CASKIN2: variants seen among roughly 807,000 people sequenced by gnomAD.
The protein encoded by CASKIN2 is CASK interacting protein 2.
In CASKIN2, 41 loss-of-function variants were observed where a neutral mutation model predicts 107.1. The ratio of observed to expected loss-of-function variants is 0.38; its 90% confidence interval spans 0.30 to 0.50. The LOEUF is 0.50. Among genes scored for constraint, CASKIN2 ranks in the 20% least tolerant of loss-of-function variants. The pLI, the probability that CASKIN2 is intolerant of heterozygous loss-of-function variation, is 0.92. For missense variants in CASKIN2, 1,546 were observed against 1,657.4 expected (o/e 0.93, Z 1.17); for synonymous variants, 724 against 705.6 (o/e 1.03, Z -0.41).
In CASKIN2 at chr17:75,506,856, C is replaced by T; in HGVS notation, c.429G>A (p.Leu143=). 1 of 1,612,680 alleles carries T rather than the reference C, an allele frequency of 6.2e-7. No homozygotes were observed. Among genetic ancestry groups the T allele is most frequent in the Non-Finnish European group, 8.5e-7 (1 of 1,179,618 alleles). The change falls in exon 6 of 20, where the codon CTG becomes CTA. Residue 143 remains leucine, a synonymous_variant. Transcript: ENST00000321617. This position sits in a 1 kb window ranked among gnomAD's most constrained non-coding sequence, Gnocchi z 4.8. The part of the protein sequence containing the change: ...MLLQHQSNPC[L]VNKAKKTPLD... ...GGGGCGTCTTCTTGGCCTTGTTGACCAGGCATGGGTTGGACTGATGCTGGA... is the reference window on the plus strand; with the variant it reads ...GGGGCGTCTTCTTGGCCTTGTTGACTAGGCATGGGTTGGACTGATGCTGGA...
chr17:75,501,922 G>A lies in CASKIN2; in HGVS notation c.3152C>T (p.Thr1051Ile), dbSNP rs2053195702. The change falls in exon 18 of 20, where the codon ACC becomes ATC. Residue 1051 changes from threonine to isoleucine, a missense_variant. Around this residue, in one of 6 missense-constraint regions of CASKIN2, gnomAD observed 1,311 missense variants for 1,311.0 expected, o/e 1.00. Coordinates refer to ENST00000321617, the MANE Select transcript of CASKIN2 (RefSeq NM_020753.5). ...CATGGCGGGGCTGGGAGCAAGGGGG[G>A]TTGGAACTCCTTGGGCTGGAAGGCT... ...PSSLPAQGVPTPLAPSPAMQP... is the reference protein window; with the variant it reads ...PSSLPAQGVPIPLAPSPAMQP... 2 of 1,587,696 alleles carry A rather than the reference G, an allele frequency of 1.3e-6. No individual in the cohort carries two copies. Among genetic ancestry groups the A allele is most frequent in the African/African-American group, 1.3e-5 (1 of 74,620 alleles).
At position 75,501,584 on chromosome 17, in the gene CASKIN2, C is replaced by A; in HGVS notation, c.3402G>T (p.Glu1134Asp). The change falls in exon 19 of 20, where the codon GAG (glutamate) becomes GAT (aspartate). Residue 1134 changes from glutamate to aspartate, a missense_variant. Coordinates refer to ENST00000321617, the MANE Select transcript of CASKIN2 (RefSeq NM_020753.5). ...GPRPVPPPRP[E>D]STGTVGPGQA... ...GGCCTGGGCCCACAGTCCCAGTGCT[C>A]TCAGGCCGTGGAGGAGGCACTGGGC... is the stretch of plus-strand genomic sequence containing the variant. 6.2e-7 allele frequency: 1 copy of A among 1,609,682 alleles called. No homozygotes were observed. The highest frequency in any genetic ancestry group is 1.7e-5 in the Admixed American group (1 of 59,950).
rs2053335644 is a variant in CASKIN2 at position 75,513,955 on chromosome 17, C to T, written c.-151G>A. 2 of 647,744 alleles carry T rather than the reference C, an allele frequency of 3.1e-6. No individual in the cohort carries two copies. Among genetic ancestry groups the T allele is most frequent in the Non-Finnish European group, 2.7e-6 (1 of 364,462 alleles). The allele number at this position is 647,744 out of a possible 1,614,324, so 40.1% of individuals were successfully genotyped here. A position where few individuals can be genotyped will look rare whatever the true frequency, so the allele number is the denominator to read the frequency against. ...CAGGTGTCCCAGGCAGTGGGCTCCT[C>T]GTCAGGTACTGAGGGATACTCCCAA... On this transcript the variant is annotated 5_prime_UTR_variant, in exon 2 of 20. Coordinates refer to ENST00000321617, the MANE Select transcript of CASKIN2 (RefSeq NM_020753.5).
chr17:75,512,805 CAGA>C (rs2053325267), intron 2 of CASKIN2, among the ~76,000 whole-genome samples: 1 of 151,038 alleles, frequency 6.6e-6, no homozygotes, highest in African/African-American at 2.4e-5. Context: ...GAGGCTGAGG[CAGA>C]AGAATAGCTT....
At position 75,503,713 on chromosome 17, in the gene CASKIN2, G is replaced by A. The variant is rs9913424; in HGVS notation, c.1626C>T (p.Ile542=). The change falls in exon 16 of 20, where the codon ATC becomes ATT. Residue 542 remains isoleucine, a synonymous_variant. Transcript: ENST00000321617. ...GVTKPGHRKK[I]ASEIAQLSIA... ...TGCTGAGCTGAGCGATCTCTGAGGC[G>A]ATCTTCTTCCTGTGCCCAGGCTTGG... 3,619 of 1,612,506 alleles carry A rather than the reference G, an allele frequency of 2.2e-3. 58 individuals carry two copies. In the African/African-American group the frequency reaches 0.042, roughly 19 times the overall value.
Position 75,502,611 on chromosome 17 carries a change from G to C in CASKIN2, c.2463C>G (p.Ser821Arg). ...AEGEAEGPVG[S>R]TLGSYATLTR... ...TAAGGGTAGCATAACTGCCTAGGGT[G>C]CTGCCCACTGGCCCTTCGGCCTCCC... The change falls in exon 18 of 20, where the codon AGC (serine) becomes AGG (arginine). Residue 821 changes from serine to arginine, a missense_variant. Around this residue, in one of 6 missense-constraint regions of CASKIN2, gnomAD observed 1,311 missense variants for 1,311.0 expected, o/e 1.00. Coordinates refer to ENST00000321617, the MANE Select transcript of CASKIN2 (RefSeq NM_020753.5). This position sits in a 1 kb window ranked among gnomAD's most constrained non-coding sequence, Gnocchi z 4.3. The C allele has an allele frequency of 6.2e-7, 1 of 1,603,850 alleles. No homozygotes were observed. The highest frequency in any genetic ancestry group is 1.1e-5 in the South Asian group (1 of 89,654).
chr17:75,515,027 G>A (rs919454126), intron 1 of CASKIN2, among the ~76,000 whole-genome samples: 2 of 152,200 alleles, frequency 1.3e-5, no homozygotes, highest in Non-Finnish European at 2.9e-5. Flanking sequence ...GGCCCTGGCC[G>A]GGAACCCCTC....
rs1013900129 is a variant in CASKIN2 at position 75,500,510 on chromosome 17, A to T, written c.*570T>A. 1 of 154,124 alleles carries T rather than the reference A, an allele frequency of 6.5e-6. No individual in the cohort carries two copies. The highest frequency in any genetic ancestry group is 1.4e-5 in the Non-Finnish European group (1 of 69,252). 9.5% of individuals were successfully genotyped at this position (154,124 alleles called of 1,614,324 possible). A position where few individuals can be genotyped will look rare whatever the true frequency, so the allele number is the denominator to read the frequency against. On this transcript the variant is annotated 3_prime_UTR_variant, in exon 20 of 20. Coordinates refer to ENST00000321617, the MANE Select transcript of CASKIN2 (RefSeq NM_020753.5). ...CAATTGAAAAGTTAGGACTTGTGGG[A>T]TCTGTTAACCCCACTGCCTCCCACC...
At chr17:75,512,038 C>T (rs2053320040) in intron 2 of CASKIN2, among the ~76,000 whole-genome samples, 1 of 152,210 alleles carries the variant, frequency 6.6e-6, no homozygotes. Context: ...CACCCTGTGT[C>T]CACTTCCCTA....
At chr17:75,510,211 C>A (rs181197389) in intron 2 of CASKIN2, among the ~76,000 whole-genome samples, 13 of 152,144 alleles carry the variant, frequency 8.5e-5, no homozygotes, top group South Asian at 2.1e-4. Flanking sequence ...GGGAGTGGTG[C>A]GGCGAGGGGC....
rs11657489 is a variant in CASKIN2 at position 75,502,604 on chromosome 17, C to T, written c.2470G>A (p.Gly824Ser). The change falls in exon 18 of 20, where the codon GGC becomes AGC. Residue 824 changes from glycine to serine, a missense_variant. Gly to Ser is a moderately conservative substitution (Grantham distance 56, BLOSUM62 0). This residue lies in a region of CASKIN2 where 1,311 missense variants were observed against 1,311.0 expected (regional missense o/e 1.00). Coordinates refer to ENST00000321617, the MANE Select transcript of CASKIN2 (RefSeq NM_020753.5). This position sits in a 1 kb window ranked among gnomAD's most constrained non-coding sequence, Gnocchi z 4.3. Reference protein sequence around the residue: ...EAEGPVGSTLGSYATLTRRPG... With the variant: ...EAEGPVGSTLSSYATLTRRPG... ...CGCCGGGTAAGGGTAGCATAACTGC[C>T]TAGGGTGCTGCCCACTGGCCCTTCG... 1 of 1,602,756 alleles carries T rather than the reference C, an allele frequency of 6.2e-7. No individual in the cohort carries two copies. The highest frequency in any genetic ancestry group is 8.5e-7 in the Non-Finnish European group (1 of 1,174,408).
chr17:75,514,400 TG>T (rs577923890), intron 1 of CASKIN2, among the ~76,000 whole-genome samples, 192 bp from the exon 2 acceptor site: 1 of 130,608 alleles, frequency 7.7e-6, no homozygotes, highest in East Asian at 2.3e-4. Context: ...GGAGTATTGG[TG>T]GGGGGGAGGT....
rs201521912 is a variant in CASKIN2, at chr17:75,504,434, G to C, written c.1361C>G (p.Pro454Arg). The change falls in exon 13 of 20, where the codon CCG becomes CGG. Residue 454 changes from proline (P) to arginine (R), a missense_variant. This residue lies in a region of CASKIN2 where 1,311 missense variants were observed against 1,311.0 expected (regional missense o/e 1.00). Coordinates refer to ENST00000321617, the MANE Select transcript of CASKIN2 (RefSeq NM_020753.5). ...ACCCTTCCTACCTGCCAGGGACGGC[G>C]GGTGGAGTCCTGGCAGCACCTGGTC... is the stretch of plus-strand genomic sequence containing the variant. ...GEDQVLPGLH[P>R]PSLADNLSHR... 1 of 1,607,264 alleles carries C rather than the reference G, an allele frequency of 6.2e-7. No individual in the cohort carries two copies. Among genetic ancestry groups the C allele is most frequent in the South Asian group, 1.1e-5 (1 of 90,844 alleles).
intron 2 of CASKIN2, among the ~76,000 whole-genome samples, chr17:75,513,435 G>C (rs1052394298): frequency 6.6e-6 from 1 of 152,152 alleles, no homozygotes; most frequent in Admixed American, 6.5e-5. Context: ...ACAAGCTATA[G>C]GCACTCAATA....
Position 75,503,041 on chromosome 17 carries a change from G to A in CASKIN2, c.2033C>T (p.Ala678Val), listed in dbSNP as rs766391635. The part of the protein sequence containing the change: ...QGSELSPELQ[A>V]AMAGGGPEPL... ...TTCAGGGCCACCCCCTGCCATGGCC[G>A]CCTGTAGCTCTGGGCTTAGTTCGCT... The change falls in exon 18 of 20, where the codon GCG becomes GTG. Residue 678 changes from alanine (A) to valine (V), a missense_variant. This residue lies in a region of CASKIN2 where 1,311 missense variants were observed against 1,311.0 expected (regional missense o/e 1.00). Transcript: ENST00000321617. 53 of 1,606,114 alleles carry A rather than the reference G, an allele frequency of 3.3e-5. No individual in the cohort carries two copies. Among genetic ancestry groups the A allele is most frequent in the Middle Eastern group, 3.5e-4 (2 of 5,682 alleles).
Position 75,501,883 on chromosome 17 carries a change from G to A in CASKIN2, c.3191C>T (p.Pro1064Leu), listed in dbSNP as rs374681361. 29 of 1,564,488 alleles carry A rather than the reference G, an allele frequency of 1.9e-5. No homozygotes were observed. In the East Asian group the frequency reaches 2.9e-4, roughly 16 times the overall value. ...APSPAMQPPVPPCPGPGLESS... is the reference protein window; with the variant it reads ...APSPAMQPPVLPCPGPGLESS... The stretch of plus-strand genomic sequence containing the variant: ...TTCCAGACCTGGCCCTGGGCAGGGC[G>A]GCACTGGAGGCTGCATGGCGGGGCT... Residue 1064 changes from proline (P) to leucine (L), a missense_variant, in exon 18 of 20, where the codon CCG becomes CTG. Physicochemically the swap from Pro to Leu is moderately conservative, Grantham distance 98 (BLOSUM62 -3). Transcript: ENST00000321617.
In CASKIN2 at chr17:75,513,692, C is replaced by T. The variant is rs566122168; in HGVS notation, c.94+19G>A. Reference sequence around the variant, plus strand: ...GAGCGCTCGGCCTCAGCGGGATGCTCGTCCCACCCGGTACTCACTTGTCTT... The same window carrying T: ...GAGCGCTCGGCCTCAGCGGGATGCTTGTCCCACCCGGTACTCACTTGTCTT... On this transcript the variant is annotated intron_variant, in intron 2 of 19. Transcript: ENST00000321617. 149 of 1,608,202 alleles carry T rather than the reference C, an allele frequency of 9.3e-5. 1 individual carries two copies. In the South Asian group the frequency reaches 1.2e-3, roughly 13 times the overall value.
In CASKIN2 at chr17:75,503,515, C is replaced by T. The variant is rs751154096; in HGVS notation, c.1693G>A (p.Glu565Lys). 6.2e-7 allele frequency: 1 copy of T among 1,610,168 alleles called. No individual in the cohort carries two copies. The highest frequency in any genetic ancestry group is 8.5e-7 in the Non-Finnish European group (1 of 1,179,388). ...GGCAGCCCCAGTGCACACAGCCACT[C>T]CAGCAGGTCCGTCTGGAAGAGCACC... is the stretch of plus-strand genomic sequence containing the variant. ...LPSYIPTDLL[E>K]WLCALGLPQY... Residue 565 changes from glutamate to lysine, a missense_variant, in exon 17 of 20, where the codon GAG (glutamate) becomes AAG (lysine). By Grantham distance (56) the Glu-to-Lys change is moderately conservative. Around this residue, in one of 6 missense-constraint regions of CASKIN2, gnomAD observed 1,311 missense variants for 1,311.0 expected, o/e 1.00. Transcript: ENST00000321617.
chr17:75,503,552 A>G, intron 16 of CASKIN2, 25 bp from the exon 17 acceptor site: 1 of 1,604,406 alleles, frequency 6.2e-7, no homozygotes, highest in Non-Finnish European at 8.5e-7. Flanking sequence ...TCCTCAGAAC[A>G]ACTCCCAGCC....
Sources: allele counts gnomAD v4.1 joint callset (sites outside exome capture counted in the v4.1 genomes callset), GRCh38; gene constraint gnomAD v4.1.1; regional missense constraint gnomAD v4.1.1; non-coding constraint Gnocchi (gnomAD v3.1); transcripts MANE v1.5; gene names NCBI Gene and HGNC (gene_info 2026-07-23, HGNC 2026-07-21).